Variants in MBNL1 observed in about 807,000 individuals in gnomAD.
MBNL1 encodes muscleblind like splicing regulator 1.
MBNL1 carries 8 observed loss-of-function variants against 42.2 expected under a neutral mutation model. That is an observed-to-expected ratio of 0.19 (90% CI 0.11 to 0.34). The LOEUF (loss-of-function observed/expected upper bound fraction) is 0.34. Among genes scored for constraint, MBNL1 ranks in the 10% least tolerant of loss-of-function variants. MBNL1 has a pLI of 1.00. For missense variants in MBNL1, 309 were observed against 495.3 expected (o/e 0.62, Z 3.57); for synonymous variants, 169 against 173.9 (o/e 0.97, Z 0.22).
At chr3:152,337,154 A>G (rs1171977284) in intron 2 of MBNL1, among the ~76,000 whole-genome samples, 2 of 152,186 alleles carry the variant, frequency 1.3e-5, no homozygotes. Flanking sequence ...GTAGCTGTTT[A>G]ATATTTAATA....
At chr3:152,392,079 CA>C (rs35339307) in intron 2 of MBNL1, among the ~76,000 whole-genome samples, 13,142 of 145,112 alleles carry the variant, frequency 0.091, 603 homozygotes, top group Middle Eastern at 0.17. Flanking sequence ...TCATTTTGTG[CA>C]AAAAAAAAAA....
chr3:152,276,462 A>G (rs2045264365), intron 1 of MBNL1, among the ~76,000 whole-genome samples: 1 of 152,226 alleles, frequency 6.6e-6, no homozygotes, highest in African/African-American at 2.4e-5. Context: ...TTTAGAATCC[A>G]TGCTCCTGTG....
chr3:152,265,375 T>C (rs2037027158), upstream of MBNL1: 1 of 142,898 alleles, frequency 7.0e-6, no homozygotes, highest in Non-Finnish European at 1.5e-5. Flanking sequence ...TTAGGTGATT[T>C]GTTTGTGTGA....
chr3:152,353,220 T>G (rs1464221945), intron 2 of MBNL1, among the ~76,000 whole-genome samples: 2 of 152,234 alleles, frequency 1.3e-5, no homozygotes, highest in African/African-American at 4.8e-5. Flanking sequence ...TTCATCCAAC[T>G]ACTCAGGAAT....
chr3:152,252,182 T>TTC (rs2034714617), intron 2 of MBNL1, among the ~76,000 whole-genome samples: 2 of 85,098 alleles, frequency 2.4e-5, no homozygotes, highest in Admixed American at 2.4e-4. Context: ...CTTCCTTCCC[T>TTC]CCTTCCTTCC....
At chr3:152,391,084 T>C (rs917196721) in intron 2 of MBNL1, among the ~76,000 whole-genome samples, 5 of 152,232 alleles carry the variant, frequency 3.3e-5, no homozygotes, top group African/African-American at 1.2e-4. Context: ...AGTATAGTTA[T>C]TCCCATTTTA....
At chr3:152,340,399 A>T in intron 2 of MBNL1, 1 of 1,097,576 alleles carries the variant, frequency 9.1e-7, no homozygotes. Flanking sequence ...GTAAGATTGT[A>T]ATGACAATGA....
chr3:152,386,266 T>A (rs1445391061), intron 2 of MBNL1, among the ~76,000 whole-genome samples: 1 of 152,030 alleles, frequency 6.6e-6, no homozygotes, highest in Non-Finnish European at 1.5e-5. Context: ...AAAAGGAACT[T>A]TTTTTATGAA....
chr3:152,253,764 T>G (rs912006369), intron 2 of MBNL1, among the ~76,000 whole-genome samples: 1 of 152,100 alleles, frequency 6.6e-6, no homozygotes, highest in African/African-American at 2.4e-5. Flanking sequence ...GTGACACAAC[T>G]TCTTCTTTAT....
At chr3:152,362,718 C>G (rs1036345174) in intron 2 of MBNL1, among the ~76,000 whole-genome samples, 1 of 152,084 alleles carries the variant, frequency 6.6e-6, no homozygotes, top group East Asian at 1.9e-4. Flanking sequence ...TGCCAAATGT[C>G]CCATGGTAGG....
chr3:152,272,636 A>T (rs2042572057), intron 1 of MBNL1, among the ~76,000 whole-genome samples: 1 of 152,124 alleles, frequency 6.6e-6, no homozygotes, highest in Admixed American at 6.5e-5. Flanking sequence ...TGCTGCATTC[A>T]TAAGAATGAA....
chr3:152,459,169 G>A (rs1183067787), intron 8 of MBNL1, 102 bp from the exon 9 acceptor site: 1 of 603,618 alleles, frequency 1.7e-6, no homozygotes, highest in Non-Finnish European at 2.8e-6. Flanking sequence ...CCTCACAGCT[G>A]AATTTCACTT....
At chr3:152,352,166 A>T (rs1479275809) in intron 2 of MBNL1, among the ~76,000 whole-genome samples, 1 of 152,212 alleles carries the variant, frequency 6.6e-6, no homozygotes, top group Non-Finnish European at 1.5e-5. Flanking sequence ...TCCTGAAAAT[A>T]CTTTGTTTTA....
intron 1 of MBNL1, among the ~76,000 whole-genome samples, chr3:152,296,481 T>C (rs1440601761): frequency 3.3e-5 from 5 of 152,192 alleles, no homozygotes; most frequent in African/African-American, 1.2e-4. Flanking sequence ...GCTACTGTTA[T>C]GGCTATGAAA....
intron 2 of MBNL1, among the ~76,000 whole-genome samples, chr3:152,343,337 G>A (rs967927684): frequency 6.6e-6 from 1 of 152,172 alleles, no homozygotes; most frequent in African/African-American, 2.4e-5. Flanking sequence ...TACCTGGACT[G>A]AGTTGAATGC....
intron 2 of MBNL1, among the ~76,000 whole-genome samples, chr3:152,350,445 TAAG>T (rs2094833149): frequency 6.6e-6 from 1 of 151,964 alleles, no homozygotes; most frequent in African/African-American, 2.4e-5. Context: ...TCAATAATAA[TAAG>T]AGAAGTGGGA....
intron 2 of MBNL1, among the ~76,000 whole-genome samples, chr3:152,317,404 C>G (rs2072609363): frequency 6.6e-6 from 1 of 152,100 alleles, no homozygotes; most frequent in African/African-American, 2.4e-5. Flanking sequence ...ACTGCAACTT[C>G]CACTTCCTGG....
chr3:152,428,333 A>C (rs557247006), intron 3 of MBNL1, among the ~76,000 whole-genome samples: 64 of 152,322 alleles, frequency 4.2e-4, no homozygotes, highest in African/African-American at 1.5e-3. Context: ...GCCCTCTAGG[A>C]GCCTCCAGTC....
chr3:152,284,208 A>G (rs994934940), intron 1 of MBNL1, among the ~76,000 whole-genome samples: 2 of 152,126 alleles, frequency 1.3e-5, no homozygotes, highest in African/African-American at 4.8e-5. Context: ...GAAGGAAAAC[A>G]TTTCTTTTCC....
Sources: allele counts gnomAD v4.1 joint callset (sites outside exome capture counted in the v4.1 genomes callset), GRCh38; gene constraint gnomAD v4.1.1; transcripts MANE v1.5; gene names NCBI Gene and HGNC (gene_info 2026-07-23, HGNC 2026-07-21).